The following COL8A1 variants were observed in gnomAD, a reference collection of about 807,000 sequenced individuals.
The protein encoded by COL8A1 is collagen alpha-1(VIII) chain.
A neutral mutation model predicts 42.7 loss-of-function variants in COL8A1; 21 were observed. The observed-to-expected ratio is 0.49, with a 90% CI of 0.35 to 0.71. COL8A1 has a LOEUF of 0.71. Among genes scored for constraint, COL8A1 ranks in the 30% least tolerant of loss-of-function variants. The pLI is 0.01. For missense variants in COL8A1, 788 were observed against 962.4 expected (o/e 0.82, Z 2.40); for synonymous variants, 367 against 369.1 (o/e 0.99, Z 0.06).
At chr3:99,656,877 T>C (rs563943861) in intron 1 of COL8A1, among the ~76,000 whole-genome samples, 5 of 152,356 alleles carry the variant, frequency 3.3e-5, no homozygotes, top group Admixed American at 2.6e-4. Flanking sequence ...TCCGTTGTTA[T>C]GCATTTGTGA....
intron 1 of COL8A1, chr3:99,685,668 G>A (rs972813425): frequency 6.6e-6 from 1 of 152,050 alleles, no homozygotes; most frequent in Non-Finnish European, 1.5e-5. Context: ...AAATGATTTT[G>A]TTTTCAATCC....
At chr3:99,692,025 GA>G (rs2107335655) in intron 1 of COL8A1, among the ~76,000 whole-genome samples, 1 of 152,174 alleles carries the variant, frequency 6.6e-6, no homozygotes, top group Non-Finnish European at 1.5e-5. Flanking sequence ...ACTTAGAGAA[GA>G]GTTGAGTTAC....
intron 2 of COL8A1, among the ~76,000 whole-genome samples, chr3:99,780,055 T>C (rs190745503): frequency 6.6e-6 from 1 of 152,336 alleles, no homozygotes; most frequent in Admixed American, 6.5e-5. Context: ...ATCCCATCTA[T>C]TATTACCACT....
chr3:99,683,199 T>G (rs1559777681), intron 1 of COL8A1, among the ~76,000 whole-genome samples: 1 of 152,232 alleles, frequency 6.6e-6, no homozygotes, highest in Non-Finnish European at 1.5e-5. Context: ...TATTTTTACA[T>G]GCCTTTCTCC....
chr3:99,664,926 G>A (rs139931284), intron 1 of COL8A1, among the ~76,000 whole-genome samples: 20 of 152,294 alleles, frequency 1.3e-4, no homozygotes, highest in African/African-American at 4.6e-4. Context: ...ATTTTTCCTT[G>A]AAGCAGAAAC....
At chr3:99,734,699 A>T (rs1255467677) in intron 1 of COL8A1, among the ~76,000 whole-genome samples, 2 of 151,962 alleles carry the variant, frequency 1.3e-5, no homozygotes, top group African/African-American at 4.8e-5. Context: ...AGGCATTGGT[A>T]GCTTGATGGG....
At chr3:99,656,825 G>GA (rs1003020817) in intron 1 of COL8A1, among the ~76,000 whole-genome samples, 1 of 152,188 alleles carries the variant, frequency 6.6e-6, no homozygotes, top group African/African-American at 2.4e-5. Context: ...GCCAAGAGTG[G>GA]AAAAATATCT....
chr3:99,773,815 G>GTATATATATATATATATATAT (rs1941629810), intron 2 of COL8A1, among the ~76,000 whole-genome samples: 5 of 35,900 alleles, frequency 1.4e-4, no homozygotes, highest in African/African-American at 2.2e-4. Context: ...ATATATGTGT[G>GTATATATATATATATATATAT]TATATATATA....
intron 2 of COL8A1, among the ~76,000 whole-genome samples, chr3:99,750,049 C>CTTTTTTTTTTTTTTT (rs1176042144): frequency 2.7e-4 from 18 of 65,958 alleles, no homozygotes; most frequent in Admixed American, 4.9e-4. Flanking sequence ...TTTTTTTCTT[C>CTTTTTTTTTTTTTTT]TTTTTTTTTT....
At chr3:99,759,074 T>C (rs1941314621) in intron 2 of COL8A1, among the ~76,000 whole-genome samples, 1 of 150,264 alleles carries the variant, frequency 6.7e-6, no homozygotes, top group Admixed American at 6.6e-5. Context: ...GTTGCATCGA[T>C]CCTACTCCCA....
intron 1 of COL8A1, among the ~76,000 whole-genome samples, chr3:99,736,199 G>A (rs1475645921): frequency 6.6e-6 from 1 of 152,046 alleles, no homozygotes; most frequent in African/African-American, 2.4e-5. Context: ...GCTAGCTTTT[G>A]AATGTGTTTG....
In COL8A1 at chr3:99,662,379, C is replaced by T. The variant is rs371158557; in HGVS notation, c.-129+23715C>T. Among the ~76,000 whole-genome samples the T allele has an allele frequency of 1.3e-3, 105 of 83,864 alleles. 1 individual carries two copies. The highest frequency in any genetic ancestry group is 3.6e-3 in the African/African-American group (104 of 28,570). The allele number at this position is 83,864 out of a possible 152,430, so 55.0% of individuals were successfully genotyped here. On this transcript the variant is annotated intron_variant, in intron 1 of 3. Transcript: ENST00000652472. ...CCTGGGCGACAGGGCGAGACTTTGTCTCAAAAAAAAAAAAAAAATACAATA... is the reference window on the plus strand; with the variant it reads ...CCTGGGCGACAGGGCGAGACTTTGTTTCAAAAAAAAAAAAAAAATACAATA...
intron 1 of COL8A1, among the ~76,000 whole-genome samples, chr3:99,708,174 GA>G (rs1939736159): frequency 6.6e-6 from 1 of 152,144 alleles, no homozygotes; most frequent in Non-Finnish European, 1.5e-5. Flanking sequence ...GAAAATCACA[GA>G]GTGTTTATGG....
At chr3:99,717,440 C>A (rs1940029796) in intron 1 of COL8A1, among the ~76,000 whole-genome samples, 2 of 152,068 alleles carry the variant, frequency 1.3e-5, no homozygotes, top group East Asian at 3.9e-4. Flanking sequence ...TTAGAATAAT[C>A]TAAGAGAATC....
chr3:99,668,944 A>T (rs1348839550), intron 1 of COL8A1, among the ~76,000 whole-genome samples: 7 of 151,906 alleles, frequency 4.6e-5, no homozygotes, highest in Non-Finnish European at 8.8e-5. Context: ...CACATTTATT[A>T]TATCGCAGCT....
chr3:99,735,439 A>G (rs1940674603), intron 1 of COL8A1, among the ~76,000 whole-genome samples: 1 of 62,742 alleles, frequency 1.6e-5, no homozygotes, highest in African/African-American at 9.1e-5. Context: ...TTCTGTTTAT[A>G]TGCTGGATTA....
At chr3:99,734,611 T>G (rs1300247626) in intron 1 of COL8A1, among the ~76,000 whole-genome samples, 1 of 152,074 alleles carries the variant, frequency 6.6e-6, no homozygotes, top group African/African-American at 2.4e-5. Context: ...TCTTTTGGCT[T>G]AGGATTGACT....
At chr3:99,667,917 ACT>A (rs1348750691) in intron 1 of COL8A1, among the ~76,000 whole-genome samples, 3 of 152,132 alleles carry the variant, frequency 2.0e-5, no homozygotes, top group East Asian at 3.9e-4. Flanking sequence ...ATTAGCTCCA[ACT>A]GATAGATACA....
chr3:99,754,437 T>C (rs1941214166), intron 2 of COL8A1, among the ~76,000 whole-genome samples: 1 of 152,136 alleles, frequency 6.6e-6, no homozygotes, highest in South Asian at 2.1e-4. Context: ...ATACTGTTTT[T>C]TTTTTTCAAA....
Sources: gnomAD v4.1 joint callset for allele counts (sites outside exome capture counted in the v4.1 genomes callset) on GRCh38, gnomAD v4.1.1 for gene constraint, MANE v1.5 for transcripts, NCBI Gene and HGNC (gene_info 2026-07-23, HGNC 2026-07-21) for gene names.